RCAN1: variants seen among roughly 807,000 people sequenced by gnomAD.
RCAN1 encodes the protein regulator of calcineurin 1.
A neutral mutation model predicts 22.9 loss-of-function variants in RCAN1; 11 were observed. That is an observed-to-expected ratio of 0.48 (90% CI 0.30 to 0.79). The LOEUF (loss-of-function observed/expected upper bound fraction) is 0.79. Among genes scored for constraint, RCAN1 ranks in the 30% least tolerant of loss-of-function variants. The probability of loss-of-function intolerance (pLI) is 0.06; values close to 1 mark genes in which losing one functional copy is unlikely to be tolerated. For synonymous variants in RCAN1, 136 were observed against 142.3 expected, an observed-to-expected ratio of 0.96 and a Z score of 0.32; for missense variants, 291 against 337.8, an observed-to-expected ratio of 0.86 and a Z score of 1.09.
intron 1 of RCAN1, among the ~76,000 whole-genome samples, chr21:34,609,954 C>CTA (rs1188620284): frequency 6.6e-6 from 1 of 152,190 alleles, no homozygotes; most frequent in Non-Finnish European, 1.5e-5. Context: ...AAATTAAACT[C>CTA]TATACCATAT....
intron 1 of RCAN1, among the ~76,000 whole-genome samples, chr21:34,565,239 T>C (rs1986961072): frequency 2.0e-5 from 3 of 152,256 alleles, no homozygotes; most frequent in Admixed American, 2.0e-4. Flanking sequence ...TCCATGTCTC[T>C]TTTTGTTCCA....
chr21:34,543,307 G>A (rs1211828758), intron 1 of RCAN1, among the ~76,000 whole-genome samples: 2 of 152,224 alleles, frequency 1.3e-5, no homozygotes, highest in African/African-American at 2.4e-5. Context: ...TGTAATCAAG[G>A]TGTCTTTATA....
chr21:34,599,092 T>C (rs1354699091), intron 1 of RCAN1, among the ~76,000 whole-genome samples: 3 of 152,148 alleles, frequency 2.0e-5, no homozygotes, highest in Non-Finnish European at 2.9e-5. Context: ...AAACTGACAG[T>C]ATCTATTAAA....
chr21:34,522,712 GTA>G (rs1158968414), intron 2 of RCAN1: 1 of 125,252 alleles, frequency 8.0e-6, no homozygotes, highest in Non-Finnish European at 1.6e-5. Flanking sequence ...AGGTATGTGT[GTA>G]TGTGTGTGTG....
At chr21:34,611,909 G>A (rs1988696057) in intron 1 of RCAN1, among the ~76,000 whole-genome samples, 1 of 152,148 alleles carries the variant, frequency 6.6e-6, no homozygotes, top group Non-Finnish European at 1.5e-5. Flanking sequence ...AGAGCTATTT[G>A]CCCTCAGAGA....
chr21:34,530,451 G>GCC (rs1195827668), intron 1 of RCAN1, among the ~76,000 whole-genome samples: 2 of 152,072 alleles, frequency 1.3e-5, no homozygotes, highest in African/African-American at 4.8e-5. Context: ...CCAAGAATGT[G>GCC]CCCCCTGTGA....
intron 1 of RCAN1, among the ~76,000 whole-genome samples, chr21:34,571,333 G>A (rs1220684063): frequency 2.0e-5 from 3 of 152,096 alleles, no homozygotes; most frequent in Non-Finnish European, 4.4e-5. Flanking sequence ...AATGTAACAT[G>A]TTTAAATTTG....
At chr21:34,601,150 C>T (rs540314110) in intron 1 of RCAN1, among the ~76,000 whole-genome samples, 1 of 152,164 alleles carries the variant, frequency 6.6e-6, no homozygotes, top group Non-Finnish European at 1.5e-5. Context: ...TATTAAGTGC[C>T]TACTATGTGG....
chr21:34,567,797 C>T (rs1000615067), intron 1 of RCAN1, among the ~76,000 whole-genome samples: 3 of 152,122 alleles, frequency 2.0e-5, no homozygotes, highest in Non-Finnish European at 4.4e-5. Flanking sequence ...GCTGTTGATG[C>T]AAGGAAATCG....
At chr21:34,598,871 G>A (rs1178277497) in intron 1 of RCAN1, among the ~76,000 whole-genome samples, 1 of 152,124 alleles carries the variant, frequency 6.6e-6, no homozygotes, top group South Asian at 2.1e-4. Flanking sequence ...AGGAAAAAAA[G>A]CAACAACTGA....
chr21:34,587,372 A>G (rs1270036224), intron 1 of RCAN1, among the ~76,000 whole-genome samples: 1 of 152,174 alleles, frequency 6.6e-6, no homozygotes, highest in Non-Finnish European at 1.5e-5. Flanking sequence ...AAGAAATAAT[A>G]TGAATCCTAC....
chr21:34,587,835 C>A (rs78307185), intron 1 of RCAN1, among the ~76,000 whole-genome samples: 2,234 of 152,196 alleles, frequency 0.015, 52 homozygotes, highest in East Asian at 0.092. Flanking sequence ...TGTTTCTGTG[C>A]AGGTGTTTTG....
intron 1 of RCAN1, chr21:34,559,082 G>T (rs2123660697): frequency 6.6e-6 from 1 of 152,326 alleles, no homozygotes; most frequent in South Asian, 2.1e-4. Context: ...ATTGCTGTCA[G>T]TCTAGCTACA....
chr21:34,582,591 C>T (rs562352542), intron 1 of RCAN1, among the ~76,000 whole-genome samples: 45 of 152,192 alleles, frequency 3.0e-4, no homozygotes, highest in Admixed American at 5.2e-4. Flanking sequence ...GTATTGGAGA[C>T]GCGAGGAGGA....
chr21:34,587,941 T>C (rs1987852817), intron 1 of RCAN1, among the ~76,000 whole-genome samples: 1 of 152,168 alleles, frequency 6.6e-6, no homozygotes, highest in Non-Finnish European at 1.5e-5. Context: ...ACAAAAAGAC[T>C]AGCCTACCCC....
At chr21:34,577,020 C>T (rs562141482) in intron 1 of RCAN1, among the ~76,000 whole-genome samples, 2 of 152,132 alleles carry the variant, frequency 1.3e-5, no homozygotes, top group African/African-American at 4.8e-5. Flanking sequence ...ATCAGAAGGC[C>T]GGCAGGGGTC....
At chr21:34,601,624 T>C (rs374380487) in intron 1 of RCAN1, among the ~76,000 whole-genome samples, 2,479 of 152,102 alleles carry the variant, frequency 0.016, 29 homozygotes, top group African/African-American at 0.019. Context: ...CGAGATCATC[T>C]TGGCTAACAC....
At chr21:34,564,074 G>A (rs547140596) in intron 1 of RCAN1, among the ~76,000 whole-genome samples, 4 of 152,190 alleles carry the variant, frequency 2.6e-5, no homozygotes, top group African/African-American at 9.6e-5. Context: ...TACAATCATG[G>A]TGGAAGGCAC....
intron 1 of RCAN1, among the ~76,000 whole-genome samples, chr21:34,564,734 T>C (rs751689998): frequency 1.3e-5 from 2 of 152,160 alleles, no homozygotes; most frequent in Non-Finnish European, 2.9e-5. Flanking sequence ...TAAATATACA[T>C]ATTTATATTT....
Sources: gnomAD v4.1 joint callset for allele counts (sites outside exome capture counted in the v4.1 genomes callset) on GRCh38, gnomAD v4.1.1 for gene constraint, MANE v1.5 for transcripts, NCBI Gene and HGNC (gene_info 2026-07-23, HGNC 2026-07-21) for gene names.